The following KAZN variants were observed in gnomAD, a reference collection of about 807,000 sequenced individuals.
KAZN encodes the protein kazrin, periplakin interacting protein, also known as kazrin.
KAZN carries 40 observed loss-of-function variants against 87.4 expected under a neutral mutation model. The observed-to-expected ratio is 0.46, with a 90% CI of 0.36 to 0.60. KAZN has a LOEUF of 0.60. Among genes scored for constraint, KAZN ranks in the 20% least tolerant of loss-of-function variants. The pLI is 0.00. For synonymous variants in KAZN, 466 were observed against 458.3 expected (o/e 1.02, Z -0.22); for missense variants, 898 against 1,073.9 (o/e 0.84, Z 2.29).
chr1:14,738,070 A>G (rs903262834), intron 1 of KAZN, among the ~76,000 whole-genome samples: 4 of 152,240 alleles, frequency 2.6e-5, no homozygotes, highest in African/African-American at 9.6e-5. Context: ...ACTGCCCTTC[A>G]GTCCAGCACA....
At chr1:15,013,623 G>T (rs939521053) in intron 2 of KAZN, among the ~76,000 whole-genome samples, 2 of 151,614 alleles carry the variant, frequency 1.3e-5, no homozygotes, top group Admixed American at 6.6e-5. Flanking sequence ...GGGCTTGGTG[G>T]TGGGCGCCTG....
intron 2 of KAZN, among the ~76,000 whole-genome samples, chr1:14,265,199 AAAG>A (rs760614111): frequency 2.0e-5 from 3 of 152,222 alleles, no homozygotes; most frequent in Non-Finnish European, 1.5e-5. Flanking sequence ...TCCACAAAGT[AAAG>A]AAGAAGGTCT....
rs371280920 is a variant in KAZN, at chr1:13,908,404, TGGCTCTTTGGCCTTGAC to T, written c.91+14659_91+14675del. 4.6e-3 allele frequency among the ~76,000 whole-genome samples: 704 copies of T among 152,334 alleles called. 4 individuals carry two copies. Among genetic ancestry groups the T allele is most frequent in the African/African-American group, 0.016 (671 of 41,580 alleles). The stretch of plus-strand genomic sequence containing the variant: ...AAAGCTATTGCTATAGGCTGAAGCT[TGGCTCTTTGGCCTTGAC>T]GGCTCTTTGGTCAAGAAAGCTCCAG... On this transcript the variant is annotated intron_variant, in intron 1 of 16. Coordinates refer to the KAZN transcript ENST00000636203.
chr1:14,128,497 C>A (rs1362866792), intron 1 of KAZN, among the ~76,000 whole-genome samples: 1 of 152,196 alleles, frequency 6.6e-6, no homozygotes, highest in African/African-American at 2.4e-5. Context: ...CTCTCCTCGG[C>A]TTGCAGACAG....
chr1:14,279,523 G>A (rs1034378825), intron 2 of KAZN, among the ~76,000 whole-genome samples: 4 of 152,184 alleles, frequency 2.6e-5, no homozygotes, highest in Non-Finnish European at 5.9e-5. Flanking sequence ...TCTCTTGTTA[G>A]TGCAGTACTA....
intron 2 of KAZN, among the ~76,000 whole-genome samples, chr1:14,259,324 C>G (rs533618983): frequency 3.5e-4 from 54 of 152,140 alleles, no homozygotes; most frequent in Non-Finnish European, 6.9e-4. Flanking sequence ...GTATATTGTG[C>G]TCCTTTCCCT....
intron 2 of KAZN, among the ~76,000 whole-genome samples, chr1:15,022,254 T>C (rs897476846): frequency 1.3e-5 from 2 of 152,156 alleles, no homozygotes; most frequent in African/African-American, 4.8e-5. Context: ...CTTGCAGCTC[T>C]GCTGAGAACC....
chr1:14,077,427 C>T (rs1388668954), intron 1 of KAZN, among the ~76,000 whole-genome samples: 1 of 152,192 alleles, frequency 6.6e-6, no homozygotes. Flanking sequence ...AAAAGACTTA[C>T]ATGTTACTCA....
chr1:13,895,824 G>C (rs760631133), intron 1 of KAZN, among the ~76,000 whole-genome samples: 2 of 152,110 alleles, frequency 1.3e-5, no homozygotes, highest in Non-Finnish European at 2.9e-5. Flanking sequence ...CACAGGATCT[G>C]GAGAGTAAGT....
chr1:14,455,714 C>A (rs1372042828), intron 2 of KAZN, among the ~76,000 whole-genome samples: 2 of 152,144 alleles, frequency 1.3e-5, no homozygotes, highest in Non-Finnish European at 2.9e-5. Flanking sequence ...ATCTACCTGC[C>A]CCTTCAGAAA....
chr1:13,901,618 C>T (rs1639253537), intron 1 of KAZN, among the ~76,000 whole-genome samples: 1 of 152,254 alleles, frequency 6.6e-6, no homozygotes, highest in Non-Finnish European at 1.5e-5. Flanking sequence ...CTGCGTCCTG[C>T]CAGTGGGCCA....
At chr1:14,365,290 G>A (rs1019354782) in intron 2 of KAZN, among the ~76,000 whole-genome samples, 3 of 150,382 alleles carry the variant, frequency 2.0e-5, no homozygotes, top group Admixed American at 1.3e-4. Context: ...CTCATGATCC[G>A]CCCGCCTCGG....
At chr1:14,384,669 C>T (rs1315666528) in intron 2 of KAZN, among the ~76,000 whole-genome samples, 1 of 152,046 alleles carries the variant, frequency 6.6e-6, no homozygotes, top group Non-Finnish European at 1.5e-5. Flanking sequence ...ATGAAGCCCA[C>T]TTGATCATGG....
intron 2 of KAZN, among the ~76,000 whole-genome samples, chr1:14,968,324 G>A (rs908617416): frequency 7.2e-5 from 11 of 152,142 alleles, no homozygotes; most frequent in East Asian, 3.8e-4. Flanking sequence ...GTGGAGCTCC[G>A]GCGGTAATGT....
chr1:14,669,239 A>G (rs1005689837), intron 1 of KAZN, among the ~76,000 whole-genome samples: 2 of 152,098 alleles, frequency 1.3e-5, no homozygotes, highest in African/African-American at 4.8e-5. Context: ...TCTGCTGAAA[A>G]GGGGCCGTCT....
intron 1 of KAZN, among the ~76,000 whole-genome samples, chr1:14,757,222 C>G (rs1008016023): frequency 6.6e-6 from 1 of 152,190 alleles, no homozygotes; most frequent in Non-Finnish European, 1.5e-5. Context: ...TCAGTGTTCA[C>G]AAAGTGTACT....
At chr1:14,571,086 T>C (rs1674835476) in intron 2 of KAZN, among the ~76,000 whole-genome samples, 1 of 152,214 alleles carries the variant, frequency 6.6e-6, no homozygotes, top group Non-Finnish European at 1.5e-5. Flanking sequence ...TTGGCTCCTC[T>C]GCCGCCCATG....
chr1:15,104,052 C>A lies in KAZN; in HGVS notation c.1911C>A (p.Gly637=), dbSNP rs748786847. 27 of 1,613,618 alleles carry A rather than the reference C, an allele frequency of 1.7e-5. No individual in the cohort carries two copies. The Admixed American group carries it at 4.3e-4, about 26-fold the overall frequency. Residue 637 remains glycine, a synonymous_variant, in exon 13 of 15, where the codon GGC becomes GGA. Coordinates refer to ENST00000376030, the MANE Select transcript of KAZN (RefSeq NM_201628.3). ...ACGCAGACAACCTGACCAACAGCGG[C>A]GTCCATGGTGCTGTGCTGGTGCTGG... is the stretch of plus-strand genomic sequence containing the variant. ...KEYADNLTNS[G]VHGAVLVLEP... is the part of the protein sequence containing the mutation.
chr1:14,593,205 C>A (rs1676304480), intron 2 of KAZN, among the ~76,000 whole-genome samples: 1 of 152,116 alleles, frequency 6.6e-6, no homozygotes, highest in Admixed American at 6.5e-5. Context: ...GACTAGAATT[C>A]CTGGAGAAGA....
Sources: allele counts gnomAD v4.1 joint callset (sites outside exome capture counted in the v4.1 genomes callset), GRCh38; gene constraint gnomAD v4.1.1; transcripts MANE v1.5; gene names NCBI Gene and HGNC (gene_info 2026-07-23, HGNC 2026-07-21).